The following RBFOX1 variants were observed in gnomAD, a reference collection of about 807,000 sequenced individuals.
RBFOX1 encodes RNA binding fox-1 homolog 1.
In RBFOX1, 8 loss-of-function variants were observed where a neutral mutation model predicts 57.7. The observed-to-expected ratio is 0.14, with a 90% CI of 0.08 to 0.25. The LOEUF (loss-of-function observed/expected upper bound fraction) is 0.25. RBFOX1 is among the 10% of genes least tolerant of loss of function. The probability of loss-of-function intolerance (pLI) is 1.00; values close to 1 mark genes in which losing one functional copy is unlikely to be tolerated. For missense variants in RBFOX1, 611 were observed against 548.5 expected, an observed-to-expected ratio of 1.11 and a Z score of -1.14; for synonymous variants, 326 against 222.4, an observed-to-expected ratio of 1.47 and a Z score of -4.15.
intron 2 of RBFOX1, among the ~76,000 whole-genome samples, chr16:6,551,286 G>A (rs989214095): frequency 6.6e-6 from 1 of 152,174 alleles, no homozygotes; most frequent in African/African-American, 2.4e-5. Context: ...CTGCCCTCAT[G>A]GTTGGAGCTT....
intron 3 of RBFOX1, among the ~76,000 whole-genome samples, chr16:6,959,486 G>A (rs985440824): frequency 1.3e-5 from 2 of 151,876 alleles, no homozygotes; most frequent in East Asian, 3.8e-4. Flanking sequence ...TCTCAAGGGA[G>A]TATCTTTTTT....
intron 2 of RBFOX1, among the ~76,000 whole-genome samples, chr16:6,439,584 G>C (rs2094323517): frequency 6.6e-6 from 1 of 152,158 alleles, no homozygotes; most frequent in African/African-American, 2.4e-5. Flanking sequence ...CTGGAGTTCA[G>C]TGCAATATAC....
chr16:6,757,143 A>T (rs1247972110), intron 3 of RBFOX1, among the ~76,000 whole-genome samples: 1 of 152,230 alleles, frequency 6.6e-6, no homozygotes, highest in African/African-American at 2.4e-5. Flanking sequence ...AAAAGATAAA[A>T]AATAAATGCT....
At chr16:5,606,234 C>G (rs578193854) in intron 3 of RBFOX1, among the ~76,000 whole-genome samples, 3 of 152,136 alleles carry the variant, frequency 2.0e-5, no homozygotes, top group Non-Finnish European at 4.4e-5. Flanking sequence ...TTATCTGCTA[C>G]TCTCCTCCCA....
chr16:7,026,893 G>T (rs528137951), intron 3 of RBFOX1, among the ~76,000 whole-genome samples: 1 of 152,186 alleles, frequency 6.6e-6, no homozygotes, highest in Non-Finnish European at 1.5e-5. Flanking sequence ...GCTTAGAGCA[G>T]CCTGTGCCCC....
intron 3 of RBFOX1, among the ~76,000 whole-genome samples, chr16:6,749,996 T>G (rs1201946515): frequency 1.3e-5 from 2 of 152,138 alleles, no homozygotes; most frequent in African/African-American, 4.8e-5. Flanking sequence ...TTTTATGAAT[T>G]TTTCTGTCTA....
At chr16:6,694,814 C>T (rs758681499) in intron 3 of RBFOX1, among the ~76,000 whole-genome samples, 10 of 152,080 alleles carry the variant, frequency 6.6e-5, no homozygotes, top group Non-Finnish European at 1.0e-4. Flanking sequence ...GTCACTGTGA[C>T]GGAACACAGT....
At chr16:7,101,392 C>G (rs1036542636) in intron 4 of RBFOX1, among the ~76,000 whole-genome samples, 4 of 152,128 alleles carry the variant, frequency 2.6e-5, no homozygotes, top group African/African-American at 9.7e-5. Context: ...TGCAAGGAAA[C>G]TCTTGGATTT....
At chr16:5,524,665 C>G (rs1054685723) in intron 2 of RBFOX1, among the ~76,000 whole-genome samples, 2 of 151,806 alleles carry the variant, frequency 1.3e-5, no homozygotes, top group Non-Finnish European at 1.5e-5. Flanking sequence ...CTCAGCCTTC[C>G]AAGTAGCCGG....
intron 3 of RBFOX1, among the ~76,000 whole-genome samples, chr16:6,981,284 A>G (rs1362575154): frequency 6.6e-6 from 1 of 151,928 alleles, no homozygotes; most frequent in Non-Finnish European, 1.5e-5. Context: ...TTCACCCTCC[A>G]AAAGGCCCCT....
intron 2 of RBFOX1, among the ~76,000 whole-genome samples, chr16:6,384,336 C>A (rs1310611509): frequency 6.6e-6 from 1 of 152,094 alleles, no homozygotes; most frequent in African/African-American, 2.4e-5. Flanking sequence ...AAATAATATA[C>A]AAATATTGCA....
At chr16:6,036,398 T>G (rs929006790) in intron 1 of RBFOX1, among the ~76,000 whole-genome samples, 5 of 151,336 alleles carry the variant, frequency 3.3e-5, no homozygotes, top group Non-Finnish European at 5.9e-5. Flanking sequence ...TGTTTTGTGT[T>G]TTTTTTTTGC....
intron 1 of RBFOX1, among the ~76,000 whole-genome samples, chr16:5,422,793 G>T (rs1199461426): frequency 7.4e-6 from 1 of 135,018 alleles, no homozygotes; most frequent in African/African-American, 2.8e-5. Context: ...AGAGGGAGTG[G>T]GAAGAAAGAG....
chr16:5,647,528 G>C (rs183338214), intron 3 of RBFOX1, among the ~76,000 whole-genome samples: 18 of 152,258 alleles, frequency 1.2e-4, no homozygotes, highest in African/African-American at 4.3e-4. Context: ...GCACACAGTA[G>C]GCACTGAGCA....
rs1596447495 is a variant in RBFOX1, at chr16:5,610,895, A to G, written c.318+11934A>G. Among the ~76,000 whole-genome samples the G allele has an allele frequency of 2.6e-5, 4 of 151,932 alleles. No homozygotes were observed. The East Asian group carries it at 7.7e-4, about 29-fold the overall frequency. ...AAAAGATAAAAATAAAAATAAATAA[A>G]AATCAGATCCCTCTAGTCCCTGGCT... is the stretch of plus-strand genomic sequence containing the variant. On this transcript the variant is annotated intron_variant, in intron 3 of 19. Transcript: ENST00000641259.
rs192877298 is a variant in RBFOX1, at chr16:7,579,082, C to T, written c.271-695C>T. Among the ~76,000 whole-genome samples, 33 of 152,324 alleles carry T rather than the reference C, an allele frequency of 2.2e-4. No individual in the cohort carries two copies. The East Asian group carries it at 5.8e-3, about 27-fold the overall frequency. ...GCAATAACTACATGTGGTTCTTGAG[C>T]GCTTGAAATGCAGCTAATGCAAACA... On this transcript the variant is annotated intron_variant, in intron 5 of 15. Coordinates refer to ENST00000550418, the MANE Select transcript of RBFOX1 (RefSeq NM_018723.4).
At chr16:6,552,416 T>C (rs577053178) in intron 2 of RBFOX1, among the ~76,000 whole-genome samples, 75 of 152,272 alleles carry the variant, frequency 4.9e-4, no homozygotes, top group African/African-American at 1.7e-3. Flanking sequence ...CTCAGTAATG[T>C]CATCTGTAAA....
intron 2 of RBFOX1, among the ~76,000 whole-genome samples, chr16:6,600,093 G>A (rs1284171779): frequency 6.6e-6 from 1 of 152,074 alleles, no homozygotes; most frequent in African/African-American, 2.4e-5. Flanking sequence ...AGCATTCATG[G>A]GTTTTTCAAG....
At chr16:6,938,155 G>T (rs779408084) in intron 3 of RBFOX1, among the ~76,000 whole-genome samples, 1 of 152,074 alleles carries the variant, frequency 6.6e-6, no homozygotes, top group African/African-American at 2.4e-5. Context: ...CAAGTTCATT[G>T]TTTAAAAACA....
Sources: allele counts gnomAD v4.1 joint callset (sites outside exome capture counted in the v4.1 genomes callset), GRCh38; gene constraint gnomAD v4.1.1; transcripts MANE v1.5; gene names NCBI Gene and HGNC (gene_info 2026-07-23, HGNC 2026-07-21).